Variants in SCAMP2 observed in about 807,000 individuals in gnomAD.
SCAMP2 encodes secretory carrier-associated membrane protein 2.
Under a neutral mutation model 44.1 loss-of-function variants are expected in SCAMP2, and 25 were observed. That is an observed-to-expected ratio of 0.57 (90% confidence interval 0.41 to 0.79). The LOEUF is 0.79. SCAMP2 is among the 30% of genes least tolerant of loss of function. SCAMP2 has a pLI of 0.00. For synonymous variants in SCAMP2, 156 were observed against 166.0 expected, an observed-to-expected ratio of 0.94 and a Z score of 0.46; for missense variants, 355 against 411.0, an observed-to-expected ratio of 0.86 and a Z score of 1.18.
At chr15:74,870,543 C>G (rs2064568615) in intron 1 of SCAMP2, among the ~76,000 whole-genome samples, 1 of 152,052 alleles carries the variant, frequency 6.6e-6, no homozygotes, top group Non-Finnish European at 1.5e-5. Context: ...AGTCTGTTAC[C>G]AGAAGACATT....
chr15:74,853,663 T>C, intron 3 of SCAMP2: 1 of 380,686 alleles, frequency 2.6e-6, no homozygotes, highest in Non-Finnish European at 5.0e-6. Context: ...ATTAATGAAG[T>C]TAAAAAAAAG....
intron 6 of SCAMP2, among the ~76,000 whole-genome samples, chr15:74,848,926 G>C (rs2064416734): frequency 6.6e-6 from 1 of 151,994 alleles, no homozygotes; most frequent in African/African-American, 2.4e-5. Context: ...GTCAGTGCTT[G>C]ACCCCTTCCT....
chr15:74,846,446 CAAAA>C (rs35643920), intron 7 of SCAMP2, among the ~76,000 whole-genome samples: 20 of 109,388 alleles, frequency 1.8e-4, no homozygotes, highest in Non-Finnish European at 2.1e-4. Context: ...ACCCTGTCTC[CAAAA>C]AAAAAAAAAA....
At chr15:74,847,086 A>ATTT (rs34231883) in intron 7 of SCAMP2, among the ~76,000 whole-genome samples, 2,141 of 109,252 alleles carry the variant, frequency 0.02, 115 homozygotes, top group Non-Finnish European at 0.026. Flanking sequence ...TTGTCAGTTA[A>ATTT]TTTTTTTTTT....
In SCAMP2 at chr15:74,873,301, C is replaced by CG; in HGVS notation, c.-47dup. 1 of 1,466,440 alleles carries CG rather than the reference C, an allele frequency of 6.8e-7. No individual in the cohort carries two copies. Among genetic ancestry groups the CG allele is most frequent in the South Asian group, 1.4e-5 (1 of 71,776 alleles). The allele number at this position is 1,466,440 out of a possible 1,614,324, so 90.8% of individuals were successfully genotyped here. On this transcript the variant is annotated 5_prime_UTR_variant, in exon 1 of 9. Coordinates refer to ENST00000268099, the MANE Select transcript of SCAMP2 (RefSeq NM_005697.5). ...CGAACTCCGCGAACGCTGCTGCCTC[C>CG]GGGCACCCAGACCCAGCGGCGCTTC...
intron 3 of SCAMP2, chr15:74,853,469 G>A (rs2064448560): frequency 2.2e-6 from 1 of 456,480 alleles, no homozygotes. Context: ...TGGGCAGGCG[G>A]GAACTTGCTG....
At chr15:74,853,961 T>C in intron 3 of SCAMP2, 60 bp downstream of exon 3, 1 of 1,431,866 alleles carries the variant, frequency 7.0e-7, no homozygotes, top group South Asian at 1.1e-5. Flanking sequence ...AGGGCTCAGC[T>C]ACTGGTCTGG....
intron 1 of SCAMP2, among the ~76,000 whole-genome samples, chr15:74,860,103 C>A (rs1006484740): frequency 3.3e-5 from 5 of 151,874 alleles, no homozygotes; most frequent in African/African-American, 1.2e-4. Context: ...TCTTTTTTTT[C>A]ATAGTAAAAA....
rs544453537 is a variant in SCAMP2 at position 74,843,730 on chromosome 15, T to A, written c.*1353A>T. 7 of 152,348 alleles carry A rather than the reference T, an allele frequency of 4.6e-5. No homozygotes were observed. In the East Asian group the frequency reaches 1.4e-3, roughly 29 times the overall value. 9.4% of individuals were successfully genotyped at this position (152,348 alleles called of 1,614,324 possible). A position where few individuals can be genotyped will look rare whatever the true frequency, so the allele number is the denominator to read the frequency against. On this transcript the variant is annotated 3_prime_UTR_variant, in exon 9 of 9. Coordinates refer to ENST00000268099, the MANE Select transcript of SCAMP2 (RefSeq NM_005697.5). ...AGTCCACCAGACATGTGGACCCGTGTTGTCTGAAAATGTTTTTATTTTTAC... is the reference window on the plus strand; with the variant it reads ...AGTCCACCAGACATGTGGACCCGTGATGTCTGAAAATGTTTTTATTTTTAC...
In SCAMP2 at chr15:74,859,097, A is replaced by G. The variant is rs541860949; in HGVS notation, c.58-4448T>C. On this transcript the variant is annotated intron_variant, in intron 1 of 8. Transcript: ENST00000268099. ...TGGTGGGATTCAGGCGTGAGCCACC[A>G]TGCCCGGTCCTAACTGGCTTTTAAA... Among the ~76,000 whole-genome samples, 4 of 152,182 alleles carry G rather than the reference A, an allele frequency of 2.6e-5. No individual in the cohort carries two copies. In the South Asian group the frequency reaches 6.2e-4, roughly 24 times the overall value.
chr15:74,869,318 A>C (rs1022499483), intron 1 of SCAMP2, among the ~76,000 whole-genome samples: 4 of 152,098 alleles, frequency 2.6e-5, no homozygotes, highest in Non-Finnish European at 4.4e-5. Context: ...GAAAAAAAAA[A>C]CCAATAATAA....
At chr15:74,859,865 T>C (rs1228294086) in intron 1 of SCAMP2, among the ~76,000 whole-genome samples, 1 of 152,122 alleles carries the variant, frequency 6.6e-6, no homozygotes, top group Non-Finnish European at 1.5e-5. Flanking sequence ...CTCTGTGACT[T>C]TTCCTTGCCT....
chr15:74,856,264 CTTTTTTT>C (rs34812536), intron 1 of SCAMP2, among the ~76,000 whole-genome samples: 10 of 60,408 alleles, frequency 1.7e-4, no homozygotes, highest in Non-Finnish European at 2.3e-4. Context: ...AGAGCCAGTT[CTTTTTTT>C]TTTTTTTTTT....
chr15:74,859,458 T>C (rs2064488551), intron 1 of SCAMP2, among the ~76,000 whole-genome samples: 1 of 151,884 alleles, frequency 6.6e-6, no homozygotes, highest in African/African-American at 2.4e-5. Flanking sequence ...GGCCAGGTTG[T>C]AGAAGGAAGA....
chr15:74,846,946 T>G (rs1397173447), intron 7 of SCAMP2, among the ~76,000 whole-genome samples: 1 of 152,146 alleles, frequency 6.6e-6, no homozygotes, highest in East Asian at 1.9e-4. Flanking sequence ...TATCCTCATA[T>G]TTCTTGACAT....
intron 1 of SCAMP2, among the ~76,000 whole-genome samples, chr15:74,871,681 G>A (rs2064576351): frequency 6.6e-6 from 1 of 152,036 alleles, no homozygotes; most frequent in Non-Finnish European, 1.5e-5. Context: ...GAACCCAGGA[G>A]GCTGAGGTTG....
intron 5 of SCAMP2, among the ~76,000 whole-genome samples, chr15:74,850,931 C>T (rs975131411): frequency 6.6e-6 from 1 of 152,142 alleles, no homozygotes; most frequent in African/African-American, 2.4e-5. Flanking sequence ...GGATGCAGAC[C>T]CAGGGCTGGT....
intron 3 of SCAMP2, 74 bp downstream of exon 3, chr15:74,853,947 C>A: frequency 7.4e-7 from 1 of 1,343,932 alleles, no homozygotes; most frequent in Non-Finnish European, 1.1e-6. Context: ...TTGCCCCCAG[C>A]CTCAGGGCTC....
Position 74,844,884 on chromosome 15 carries a change from T to C in SCAMP2, c.*199A>G, listed in dbSNP as rs1173359903. 5.3e-6 allele frequency: 3 copies of C among 565,190 alleles called. No individual in the cohort carries two copies. The highest frequency in any genetic ancestry group is 9.3e-6 in the Non-Finnish European group (3 of 321,950). 35.0% of individuals were successfully genotyped at this position (565,190 alleles called of 1,614,324 possible). A position where few individuals can be genotyped will look rare whatever the true frequency, so the allele number is the denominator to read the frequency against. ...AGAGAAGGAAAGAGAGCTTTGTTTT[T>C]TTTTGTACATAGAGGGGGAAAAAAT... is the stretch of plus-strand genomic sequence containing the variant. On this transcript the variant is annotated 3_prime_UTR_variant, in exon 9 of 9. Coordinates refer to ENST00000268099, the MANE Select transcript of SCAMP2 (RefSeq NM_005697.5).
Sources: allele counts gnomAD v4.1 joint callset (sites outside exome capture counted in the v4.1 genomes callset), GRCh38; gene constraint gnomAD v4.1.1; transcripts MANE v1.5; gene names NCBI Gene and HGNC (gene_info 2026-07-23, HGNC 2026-07-21).